Variants in TNS3 observed in about 807,000 individuals in gnomAD.
TNS3 encodes the protein tensin-3.
Under a neutral mutation model 140.9 loss-of-function variants are expected in TNS3, and 45 were observed. The ratio of observed to expected loss-of-function variants is 0.32; its 90% CI spans 0.25 to 0.41. The LOEUF (loss-of-function observed/expected upper bound fraction) is 0.41. Ranked by LOEUF, TNS3 falls within the 10% of genes least tolerant of loss-of-function variation. The pLI is 1.00. For missense variants in TNS3, 1,716 were observed against 1,906.7 expected, an observed-to-expected ratio of 0.90 and a Z score of 1.86; for synonymous variants, 815 against 788.4, an observed-to-expected ratio of 1.03 and a Z score of -0.56.
intron 9 of TNS3, among the ~76,000 whole-genome samples, chr7:47,428,074 T>C (rs1329340265): frequency 6.6e-6 from 1 of 152,104 alleles, no homozygotes; most frequent in African/African-American, 2.4e-5. Context: ...AATGCCTCCA[T>C]GGAAGTACTT....
chr7:47,384,480 A>G (rs1791960484), intron 16 of TNS3, among the ~76,000 whole-genome samples: 1 of 152,176 alleles, frequency 6.6e-6, no homozygotes, highest in Non-Finnish European at 1.5e-5. Context: ...CATCACCGGC[A>G]TTTCTGTGGC....
intron 10 of TNS3, among the ~76,000 whole-genome samples, chr7:47,423,186 G>C (rs1477521952): frequency 6.6e-6 from 1 of 152,230 alleles, no homozygotes; most frequent in Non-Finnish European, 1.5e-5. Flanking sequence ...GCATACACAA[G>C]GTCGGGTGTG....
At chr7:47,444,524 A>T (rs947850493) in intron 4 of TNS3, among the ~76,000 whole-genome samples, 1 of 152,218 alleles carries the variant, frequency 6.6e-6, no homozygotes. Flanking sequence ...CACCAACGTG[A>T]TGGGGTAGGA....
chr7:47,500,696 G>C (rs527364295), intron 3 of TNS3, among the ~76,000 whole-genome samples: 158 of 152,252 alleles, frequency 1.0e-3, no homozygotes, highest in Admixed American at 7.2e-3. Context: ...ATTGTAAAGG[G>C]TACAAATAGG....
chr7:47,316,759 C>T (rs919863079), intron 20 of TNS3, among the ~76,000 whole-genome samples: 7 of 128,930 alleles, frequency 5.4e-5, no homozygotes, highest in Non-Finnish European at 7.8e-5. Flanking sequence ...GCCTGGGCAA[C>T]AGAGCGAGAC....
intron 1 of TNS3, among the ~76,000 whole-genome samples, chr7:47,556,792 T>G (rs541872816): frequency 6.6e-6 from 1 of 152,326 alleles, no homozygotes; most frequent in Admixed American, 6.5e-5. Context: ...CTGGCTGGGC[T>G]GAGGGGAATG....
At chr7:47,492,871 G>A (rs907883610) in intron 3 of TNS3, among the ~76,000 whole-genome samples, 1 of 152,194 alleles carries the variant, frequency 6.6e-6, no homozygotes, top group Admixed American at 6.5e-5. Flanking sequence ...TCTGGAGCAG[G>A]AGGAGCTCCC....
At chr7:47,390,819 C>T (rs981132000) in intron 16 of TNS3, among the ~76,000 whole-genome samples, 9 of 152,180 alleles carry the variant, frequency 5.9e-5, no homozygotes, top group African/African-American at 1.9e-4. Flanking sequence ...TACTCTCCAT[C>T]GCCAGAGCCA....
chr7:47,365,882 C>T (rs77499463), intron 17 of TNS3, among the ~76,000 whole-genome samples: 2,494 of 152,190 alleles, frequency 0.016, 62 homozygotes, highest in African/African-American at 0.057. Flanking sequence ...TTCTTTGCAG[C>T]AAGAACAGGG....
intron 10 of TNS3, among the ~76,000 whole-genome samples, chr7:47,419,084 C>G (rs774369939): frequency 2.7e-5 from 4 of 149,042 alleles, no homozygotes; most frequent in Non-Finnish European, 6.0e-5. Flanking sequence ...TCCCTTCCCT[C>G]TCATGTAATG....
Position 47,278,119 on chromosome 7 carries a change from T to C in TNS3, c.4295A>G (p.Asn1432Ser), listed in dbSNP as rs370986389. The change falls in exon 31 of 31, where the codon AAC becomes AGC. Residue 1432 changes from asparagine (N) to serine (S), a missense_variant. Physicochemically the swap from Asn to Ser is conservative, Grantham distance 46 (BLOSUM62 1). This residue lies in a region of TNS3 where 216 missense variants were observed against 295.7 expected (regional missense o/e 0.73). Transcript: ENST00000311160. The stretch of plus-strand genomic sequence containing the variant: ...ACCAATCATGACCTTTGATACGAAG[T>C]TGACAATGGCACTGGCAGGCTGCTC... Reference protein sequence around the residue: ...DPEQPASAIVNFVSKVMIGSP... With the variant: ...DPEQPASAIVSFVSKVMIGSP... 54 of 1,614,028 alleles carry C rather than the reference T, an allele frequency of 3.3e-5. No homozygotes were observed. Among genetic ancestry groups the C allele is most frequent in the Non-Finnish European group, 4.0e-5 (47 of 1,180,028 alleles).
At chr7:47,423,838 G>A (rs1312739880) in intron 10 of TNS3, among the ~76,000 whole-genome samples, 1 of 152,192 alleles carries the variant, frequency 6.6e-6, no homozygotes, top group Admixed American at 6.5e-5. Context: ...AGAGGAAAAT[G>A]CCAACTGGAG....
In TNS3 at chr7:47,535,376, G is replaced by T. The variant is rs575298594; in HGVS notation, c.-264-6229C>A. The stretch of plus-strand genomic sequence containing the variant: ...AAACAGCATAAGCACTGTTGCGAGG[G>T]CTCAGCCATTTGAATTGCTGGATCT... On this transcript the variant is annotated intron_variant, in intron 1 of 30. Coordinates refer to ENST00000311160, the MANE Select transcript of TNS3 (RefSeq NM_022748.12). 5.3e-5 allele frequency among the ~76,000 whole-genome samples: 8 copies of T among 151,972 alleles called. No homozygotes were observed. In the South Asian group the frequency reaches 1.0e-3, roughly 20 times the overall value.
At chr7:47,321,666 C>G (rs2150847359) in intron 20 of TNS3, among the ~76,000 whole-genome samples, 1 of 152,338 alleles carries the variant, frequency 6.6e-6, no homozygotes, top group East Asian at 1.9e-4. Context: ...ATCTGTCCCT[C>G]TGCCCATAAT....
intron 4 of TNS3, among the ~76,000 whole-genome samples, chr7:47,447,174 G>A (rs1251310015): frequency 6.7e-6 from 1 of 150,112 alleles, no homozygotes. Context: ...GAGTCAGTGA[G>A]TGAAAAGTGA....
At chr7:47,442,167 C>G (rs1363241009) in intron 4 of TNS3, 112 bp from the exon 5 acceptor site, 1 of 634,028 alleles carries the variant, frequency 1.6e-6, no homozygotes, top group Non-Finnish European at 2.3e-6. Flanking sequence ...TAATCATAAA[C>G]AGCAAGTCAA....
At chr7:47,408,634 A>G (rs1049607539) in intron 13 of TNS3, among the ~76,000 whole-genome samples, 3 of 152,214 alleles carry the variant, frequency 2.0e-5, no homozygotes, top group East Asian at 1.9e-4. Context: ...GACTGAGTAC[A>G]TTTAATCCTT....
intron 17 of TNS3, among the ~76,000 whole-genome samples, chr7:47,356,690 T>C (rs1790010948): frequency 6.6e-6 from 1 of 152,218 alleles, no homozygotes; most frequent in African/African-American, 2.4e-5. Flanking sequence ...GGTTTGACTG[T>C]AGTGATCCTC....
At chr7:47,495,396 C>T (rs574861628) in intron 3 of TNS3, among the ~76,000 whole-genome samples, 2 of 152,270 alleles carry the variant, frequency 1.3e-5, no homozygotes, top group South Asian at 2.1e-4. Flanking sequence ...CATGAGAGGG[C>T]AGCGTCTGGG....
Sources: allele counts gnomAD v4.1 joint callset (sites outside exome capture counted in the v4.1 genomes callset), GRCh38; gene constraint gnomAD v4.1.1; regional missense constraint gnomAD v4.1.1; transcripts MANE v1.5; gene names NCBI Gene and HGNC (gene_info 2026-07-23, HGNC 2026-07-21).